The following MAGI1 variants were observed in gnomAD, a reference collection of about 807,000 sequenced individuals.
The protein encoded by MAGI1 is membrane-associated guanylate kinase, WW and PDZ domain-containing protein 1.
In MAGI1, 58 loss-of-function variants were observed where a neutral mutation model predicts 139.9. That is an observed-to-expected ratio of 0.41 (90% CI 0.34 to 0.52). The LOEUF (loss-of-function observed/expected upper bound fraction) is 0.52, where lower values mean the gene tolerates loss of function less well. Among genes scored for constraint, MAGI1 ranks in the 20% least tolerant of loss-of-function variants. The pLI is 0.12. For synonymous variants in MAGI1, 812 were observed against 737.9 expected, an observed-to-expected ratio of 1.10 and a Z score of -1.63; for missense variants, 1,874 against 1,901.6, an observed-to-expected ratio of 0.99 and a Z score of 0.27.
chr3:65,561,252 G>T (rs1214467607), intron 2 of MAGI1, among the ~76,000 whole-genome samples: 1 of 152,106 alleles, frequency 6.6e-6, no homozygotes, highest in Non-Finnish European at 1.5e-5. Flanking sequence ...ATAGCAGAAA[G>T]CTCATTTTAT....
intron 1 of MAGI1, among the ~76,000 whole-genome samples, chr3:65,624,001 T>TG (rs1182382504): frequency 1.9e-4 from 29 of 152,152 alleles, no homozygotes; most frequent in African/African-American, 7.0e-4. Flanking sequence ...GGAATATATG[T>TG]GACTATTAAG....
rs956822933 is a variant in MAGI1, at chr3:65,705,171, GA to G, written c.314-83084del. 2.1e-4 allele frequency among the ~76,000 whole-genome samples: 32 copies of G among 151,338 alleles called. No homozygotes were observed. The East Asian group carries it at 4.3e-3, about 20-fold the overall frequency. ...AAGTTCTTATCAAGGCCTATTTGAAGAAAAAAAAATTTCTAAGCTTACATTT... is the reference window on the plus strand; with the variant it reads ...AAGTTCTTATCAAGGCCTATTTGAAGAAAAAAAATTTCTAAGCTTACATTT... On this transcript the variant is annotated intron_variant, in intron 1 of 22. Coordinates refer to ENST00000402939, the MANE Select transcript of MAGI1 (RefSeq NM_001033057.2).
At chr3:65,878,707 G>A (rs903729313) in intron 1 of MAGI1, among the ~76,000 whole-genome samples, 1 of 152,080 alleles carries the variant, frequency 6.6e-6, no homozygotes, top group Non-Finnish European at 1.5e-5. Flanking sequence ...TGCATATTTC[G>A]TTTGTGGCAG....
intron 12 of MAGI1, among the ~76,000 whole-genome samples, chr3:65,423,850 A>G (rs1946810013): frequency 6.6e-6 from 1 of 152,146 alleles, no homozygotes; most frequent in African/African-American, 2.4e-5. Context: ...AGAAGCATTT[A>G]TTGTTTTCAT....
At chr3:65,465,838 G>A (rs1040256501) in intron 5 of MAGI1, among the ~76,000 whole-genome samples, 11 of 151,916 alleles carry the variant, frequency 7.2e-5, no homozygotes, top group Non-Finnish European at 1.3e-4. Context: ...TATTCCCCTG[G>A]GACTCCAATG....
At position 65,907,308 on chromosome 3, in the gene MAGI1, G is replaced by T. The variant is rs149848218; in HGVS notation, c.313+130688C>A. Among the ~76,000 whole-genome samples the T allele has an allele frequency of 5.7e-4, 87 of 152,220 alleles. No homozygotes were observed. The East Asian group carries it at 0.015, about 27-fold the overall frequency. ...ATCCTTGAGATAACTCTAGTGGGTG[G>T]ATGAGATTATCCTTTTCACAGGCTG... On this transcript the variant is annotated intron_variant, in intron 1 of 22. Transcript: ENST00000402939.
At chr3:65,777,080 G>T (rs115470272) in intron 1 of MAGI1, among the ~76,000 whole-genome samples, 258 of 152,304 alleles carry the variant, frequency 1.7e-3, no homozygotes, top group African/African-American at 6.1e-3. Context: ...TAGGGTAAGT[G>T]AGCATGTGCA....
At chr3:65,801,825 C>T (rs910888295) in intron 1 of MAGI1, among the ~76,000 whole-genome samples, 6 of 152,138 alleles carry the variant, frequency 3.9e-5, no homozygotes, top group South Asian at 2.1e-4. Flanking sequence ...CCCCAAACCC[C>T]GGGCCACAGA....
chr3:65,777,347 C>T (rs1441064578), intron 1 of MAGI1, among the ~76,000 whole-genome samples: 3 of 151,996 alleles, frequency 2.0e-5, no homozygotes, highest in Non-Finnish European at 2.9e-5. Flanking sequence ...TTGTGATGTA[C>T]TTAGACGAAT....
chr3:65,855,915 C>T (rs973778010), intron 1 of MAGI1, among the ~76,000 whole-genome samples: 3 of 151,874 alleles, frequency 2.0e-5, no homozygotes, highest in Non-Finnish European at 4.4e-5. Flanking sequence ...TCTCGCATGC[C>T]AGGCACCCCT....
intron 2 of MAGI1, among the ~76,000 whole-genome samples, chr3:65,617,929 C>T (rs1000147849): frequency 1.3e-5 from 2 of 152,114 alleles, no homozygotes. Flanking sequence ...CTAATTAGGA[C>T]AGGCAGGCAT....
chr3:65,904,217 G>A (rs2061347987), intron 1 of MAGI1, among the ~76,000 whole-genome samples: 1 of 152,212 alleles, frequency 6.6e-6, no homozygotes, highest in South Asian at 2.1e-4. Flanking sequence ...AAAATATGCA[G>A]CAAGGAGAGC....
chr3:65,452,863 C>G (rs1949121674), intron 6 of MAGI1: 1 of 170,002 alleles, frequency 5.9e-6, no homozygotes. Flanking sequence ...GAAAAACTCC[C>G]AACTTTTCCC....
chr3:65,923,429 G>C (rs1560017899), intron 1 of MAGI1, among the ~76,000 whole-genome samples: 1 of 151,982 alleles, frequency 6.6e-6, no homozygotes. Context: ...GTTTCACCAT[G>C]TTGGTCAGGA....
In MAGI1 at chr3:65,430,079, C is replaced by G; in HGVS notation, c.1608G>C (p.Val536=). Residue 536 remains valine (V), a synonymous_variant, in exon 12 of 23, where the codon GTG becomes GTC. Transcript: ENST00000402939. ...CVLGHTHAQV[V]KIFQSIPIGA... ...CAATGGGGATGGACTGGAAGATCTT[C>G]ACAACTTGAGCATGTGTGTGTCCCA... is the stretch of plus-strand genomic sequence containing the variant. 1.9e-6 allele frequency: 3 copies of G among 1,613,812 alleles called. No homozygotes were observed. Among genetic ancestry groups the G allele is most frequent in the Non-Finnish European group, 2.5e-6 (3 of 1,179,896 alleles).
chr3:65,640,876 T>C (rs2084943642), intron 1 of MAGI1, among the ~76,000 whole-genome samples: 1 of 152,064 alleles, frequency 6.6e-6, no homozygotes, highest in South Asian at 2.1e-4. Flanking sequence ...CAGAAGGAGA[T>C]CAAACGTTTG....
chr3:65,601,409 C>A (rs2082476726), intron 2 of MAGI1, among the ~76,000 whole-genome samples: 1 of 151,992 alleles, frequency 6.6e-6, no homozygotes, highest in African/African-American at 2.4e-5. Context: ...GCAGGATGTA[C>A]CCATATGCCC....
intron 12 of MAGI1, among the ~76,000 whole-genome samples, chr3:65,402,511 T>C (rs946878819): frequency 6.6e-6 from 1 of 152,228 alleles, no homozygotes; most frequent in Non-Finnish European, 1.5e-5. Context: ...TTTTGATTTT[T>C]TTCTTTGGGC....
At chr3:65,758,929 C>G (rs1195614786) in intron 1 of MAGI1, among the ~76,000 whole-genome samples, 2 of 152,010 alleles carry the variant, frequency 1.3e-5, no homozygotes. Context: ...AAATAAGATA[C>G]TCAAGGAACA....
Sources: allele counts gnomAD v4.1 joint callset (sites outside exome capture counted in the v4.1 genomes callset), GRCh38; gene constraint gnomAD v4.1.1; transcripts MANE v1.5; gene names NCBI Gene and HGNC (gene_info 2026-07-23, HGNC 2026-07-21).